NFAT5: variants seen among roughly 807,000 people sequenced by gnomAD.
The protein encoded by NFAT5 is nuclear factor of activated T-cells 5.
NFAT5 carries 31 observed loss-of-function variants against 166.5 expected under a neutral mutation model. The ratio of observed to expected loss-of-function variants is 0.19; its 90% CI spans 0.14 to 0.25. NFAT5 has a LOEUF of 0.25. NFAT5 is among the 10% of genes least tolerant of loss of function. The pLI is 1.00. For synonymous variants in NFAT5, 612 were observed against 639.7 expected (o/e 0.96, Z 0.65); for missense variants, 1,449 against 1,821.8 (o/e 0.80, Z 3.72).
rs760685472 is a variant in NFAT5 at position 69,693,199 on chromosome 16, C to T, written c.3374C>T (p.Thr1125Ile). 1.9e-6 allele frequency: 3 copies of T among 1,614,184 alleles called. No homozygotes were observed. Among genetic ancestry groups the T allele is most frequent in the Admixed American group, 3.3e-5 (2 of 60,028 alleles). Residue 1125 changes from threonine to isoleucine, a missense_variant, in exon 13 of 15, where the codon ACC (threonine) becomes ATC (isoleucine). Thr to Ile is a moderately conservative substitution (Grantham distance 89). Transcript: ENST00000349945. ...ATTGTCCACAGTCAGACTTCTACAACCTCCTCTGAACAAATGCAGCCTCCA... is the reference window on the plus strand; with the variant it reads ...ATTGTCCACAGTCAGACTTCTACAATCTCCTCTGAACAAATGCAGCCTCCA... ...NPIVHSQTST[T>I]SSEQMQPPMF...
chr16:69,677,054 C>A, intron 9 of NFAT5, 149 bp from the exon 10 acceptor site: 1 of 693,266 alleles, frequency 1.4e-6, no homozygotes, highest in African/African-American at 1.8e-5. Flanking sequence ...GATTAATATC[C>A]TGATGCCTGT....
chr16:69,692,836 G>A lies in NFAT5; in HGVS notation c.3011G>A (p.Ser1004Asn). ...GGCACTACCATGTTTCAGACATCAA[G>A]TTCAGGAGATGGAGAAGAAACTGGA... The part of the protein sequence containing the change: ...TPGTTMFQTS[S>N]SGDGEETGTQ... The change falls in exon 13 of 15, where the codon AGT (serine) becomes AAT (asparagine). Residue 1004 changes from serine (S) to asparagine (N), a missense_variant. Coordinates refer to ENST00000349945, the MANE Select transcript of NFAT5 (RefSeq NM_138713.4). 6.2e-7 allele frequency: 1 copy of A among 1,614,210 alleles called. No individual in the cohort carries two copies. The highest frequency in any genetic ancestry group is 8.5e-7 in the Non-Finnish European group (1 of 1,180,044).
At chr16:69,667,887 T>A (rs1488442611) in intron 7 of NFAT5, among the ~76,000 whole-genome samples, 1 of 152,236 alleles carries the variant, frequency 6.6e-6, no homozygotes, top group African/African-American at 2.4e-5. Context: ...TGTCAGTGTA[T>A]GACCAATAAC....
chr16:69,648,174 C>G (rs968964984), intron 4 of NFAT5: 36 of 915,770 alleles, frequency 3.9e-5, no homozygotes, highest in Middle Eastern at 5.5e-4. Flanking sequence ...GAAACTCCAT[C>G]TCAAAAAAAA....
At position 69,693,060 on chromosome 16, in the gene NFAT5, T is replaced by C. The variant is rs1410318906; in HGVS notation, c.3235T>C (p.Leu1079=). 2 of 1,614,068 alleles carry C rather than the reference T, an allele frequency of 1.2e-6. No homozygotes were observed. Among genetic ancestry groups the C allele is most frequent in the South Asian group, 2.2e-5 (2 of 91,078 alleles). Residue 1079 remains leucine, a synonymous_variant, in exon 13 of 15, where the codon TTG becomes CTG. Transcript: ENST00000349945. ...GATGTCACTTCAATCTGGAAATTTTTTGCAGCAGTCTTCTCATTCACAGGC... is the reference window on the plus strand; with the variant it reads ...GATGTCACTTCAATCTGGAAATTTTCTGCAGCAGTCTTCTCATTCACAGGC... ...EMMSLQSGNF[L]QQSSHSQAQL...
intron 2 of NFAT5, among the ~76,000 whole-genome samples, chr16:69,618,750 A>T (rs1035658569): frequency 1.3e-5 from 2 of 152,180 alleles, no homozygotes; most frequent in Admixed American, 6.5e-5. Flanking sequence ...GGTTTTTTTT[A>T]AAGTAAAATC....
chr16:69,670,196 T>A (rs919169996), intron 8 of NFAT5, 40 bp from the exon 9 acceptor site: 6 of 1,562,370 alleles, frequency 3.8e-6, no homozygotes, highest in East Asian at 4.6e-5. Flanking sequence ...GTAAAAAAAA[T>A]AGTTCAAAAA....
chr16:69,635,021 A>T (rs2034894659), intron 3 of NFAT5, among the ~76,000 whole-genome samples: 1 of 138,120 alleles, frequency 7.2e-6, no homozygotes, highest in South Asian at 2.3e-4. Context: ...TTTGTTAGTA[A>T]AGTTTTTTTT....
chr16:69,641,374 A>G (rs2035206014), intron 3 of NFAT5, among the ~76,000 whole-genome samples: 2 of 150,900 alleles, frequency 1.3e-5, no homozygotes, highest in South Asian at 4.2e-4. Flanking sequence ...TCTTTGTTCC[A>G]CTATTTGTTC....
At chr16:69,591,077 A>G (rs1567523844) in intron 2 of NFAT5, among the ~76,000 whole-genome samples, 1 of 152,124 alleles carries the variant, frequency 6.6e-6, no homozygotes, top group African/African-American at 2.4e-5. Context: ...GATTACAGGT[A>G]CATGCCACCA....
chr16:69,654,109 T>C lies in NFAT5; in HGVS notation c.1005+681T>C, dbSNP rs376404060. Among the ~76,000 whole-genome samples the C allele has an allele frequency of 6.6e-5, 10 of 152,270 alleles. No homozygotes were observed. In the South Asian group the frequency reaches 2.1e-3, roughly 32 times the overall value. ...TAAAAGGGACTTAAATTTTAGCACC[T>C]AGGATATCTTGGTATAAAGAATATT... On this transcript the variant is annotated intron_variant, in intron 5 of 14. Transcript: ENST00000349945.
In NFAT5 at chr16:69,693,490, C is replaced by T. The variant is rs755263731; in HGVS notation, c.3665C>T (p.Pro1222Leu). Residue 1222 changes from proline (P) to leucine (L), a missense_variant, in exon 13 of 15, where the codon CCG (proline) becomes CTG (leucine). Physicochemically the swap from Pro to Leu is moderately conservative, Grantham distance 98. This residue lies in a region of NFAT5 where 891 missense variants were observed against 993.0 expected (regional missense o/e 0.90). Coordinates refer to ENST00000349945, the MANE Select transcript of NFAT5 (RefSeq NM_138713.4). The stretch of plus-strand genomic sequence containing the variant: ...CTTTCCCAAGAACAGGCACAACCCC[C>T]GCAGCAGGGTTTATTTCAGCCTCAG... The part of the protein sequence containing the change: ...PMLSQEQAQP[P>L]QQGLFQPQVA... 62 of 1,614,030 alleles carry T rather than the reference C, an allele frequency of 3.8e-5. 1 individual carries two copies. In the East Asian group the frequency reaches 4.0e-4, roughly 10 times the overall value.
rs185068137 is a variant in NFAT5 at position 69,595,974 on chromosome 16, C to T, written c.127+27426C>T. Among the ~76,000 whole-genome samples the T allele has an allele frequency of 4.6e-5, 7 of 152,258 alleles. No homozygotes were observed. The East Asian group carries it at 1.3e-3, about 29-fold the overall frequency. ...GGATGGAGCTGGACTCGCAGGTCAA[C>T]AGAAAATTTCATCATGCTACTTAGA... On this transcript the variant is annotated intron_variant, in intron 2 of 14. Coordinates refer to ENST00000349945, the MANE Select transcript of NFAT5 (RefSeq NM_138713.4).
chr16:69,567,892 A>G (rs2016166163), intron 1 of NFAT5, among the ~76,000 whole-genome samples: 1 of 152,256 alleles, frequency 6.6e-6, no homozygotes, highest in Non-Finnish European at 1.5e-5. Flanking sequence ...GGGAGTAATC[A>G]TCAGATAATT....
At position 69,670,040 on chromosome 16, in the gene NFAT5, A is replaced by C. The variant is rs929724422; in HGVS notation, c.1433A>C (p.Glu478Ala). ...TTGCATAGCTGTTCAGTGAAAGGAG[A>C]AGAAGAAGTGTTTTTAATCGGCAAG... is the stretch of plus-strand genomic sequence containing the variant. ...KSLHSCSVKG[E>A]EEVFLIGKNF... Residue 478 changes from glutamate to alanine, a missense_variant, in exon 8 of 15, where the codon GAA (glutamate) becomes GCA (alanine). By Grantham distance (107) the Glu-to-Ala change is moderately radical (BLOSUM62 -1). Coordinates refer to ENST00000349945, the MANE Select transcript of NFAT5 (RefSeq NM_138713.4). 1 of 1,613,238 alleles carries C rather than the reference A, an allele frequency of 6.2e-7. No homozygotes were observed.
chr16:69,656,985 T>C (rs1358979054), intron 6 of NFAT5, among the ~76,000 whole-genome samples: 7 of 152,222 alleles, frequency 4.6e-5, no homozygotes, highest in Non-Finnish European at 7.3e-5. Context: ...GCAGGAAATA[T>C]ATTGGTATGG....
chr16:69,701,720 A>C lies in NFAT5; in HGVS notation c.*5369A>C, dbSNP rs2037901670. On this transcript the variant is annotated 3_prime_UTR_variant, in exon 15 of 15. Coordinates refer to ENST00000349945, the MANE Select transcript of NFAT5 (RefSeq NM_138713.4). ...TGTAAATTTCAGGAAGAAAGTGTTG[A>C]AAGCATTTTCTCTGATGTTAATTAG... The C allele has an allele frequency of 6.6e-6, 1 of 152,234 alleles. No individual in the cohort carries two copies. The highest frequency in any genetic ancestry group is 1.5e-5 in the Non-Finnish European group (1 of 68,052). 9.4% of individuals were successfully genotyped at this position (152,234 alleles called of 1,614,324 possible).
chr16:69,694,187 T>A lies in NFAT5; in HGVS notation c.4362T>A (p.Ser1454=). 6.2e-7 allele frequency: 1 copy of A among 1,614,124 alleles called. No individual in the cohort carries two copies. The highest frequency in any genetic ancestry group is 8.5e-7 in the Non-Finnish European group (1 of 1,180,018). ...GCACAATGAACCAACTGCAGAATTC[T>A]CCTGGCTCATCTCAGCAGACATCAG... The part of the protein sequence containing the change: ...AGGTMNQLQN[S]PGSSQQTSGM... The change falls in exon 13 of 15, where the codon TCT becomes TCA. Residue 1454 remains serine (S), a synonymous_variant. Transcript: ENST00000349945.
rs2151716163 is a variant in NFAT5 at position 69,690,886 on chromosome 16, A to G, written c.1775-54A>G. On this transcript the variant is annotated intron_variant, in intron 11 of 14. Coordinates refer to ENST00000349945, the MANE Select transcript of NFAT5 (RefSeq NM_138713.4). ...CTAATAACAAATTTTAGAATGAAAT[A>G]GTTGGTAAATTTTGTGATTTTAAAC... 4 of 1,369,464 alleles carry G rather than the reference A, an allele frequency of 2.9e-6. No homozygotes were observed. In the South Asian group the frequency reaches 5.7e-5, roughly 19 times the overall value. The allele number at this position is 1,369,464 out of a possible 1,614,324, so 84.8% of individuals were successfully genotyped here.
Sources: allele counts gnomAD v4.1 joint callset (sites outside exome capture counted in the v4.1 genomes callset), GRCh38; gene constraint gnomAD v4.1.1; regional missense constraint gnomAD v4.1.1; transcripts MANE v1.5; gene names NCBI Gene and HGNC (gene_info 2026-07-23, HGNC 2026-07-21).